Variants in TCAIM observed in about 807,000 individuals in gnomAD.
The protein encoded by TCAIM is T-cell activation inhibitor, mitochondrial.
Under a neutral mutation model 58.6 loss-of-function variants are expected in TCAIM, and 36 were observed. That is an observed-to-expected ratio of 0.61 (90% CI 0.47 to 0.81). The LOEUF (loss-of-function observed/expected upper bound fraction) is 0.81. Among genes scored for constraint, TCAIM ranks in the 30% least tolerant of loss-of-function variants. The pLI is 0.00. For synonymous variants in TCAIM, 172 were observed against 193.6 expected (o/e 0.89, Z 0.93); for missense variants, 466 against 579.6 (o/e 0.80, Z 2.01).
chr3:44,398,240 A>G (rs1701965066), intron 8 of TCAIM, among the ~76,000 whole-genome samples: 1 of 152,120 alleles, frequency 6.6e-6, no homozygotes, highest in South Asian at 2.1e-4. Flanking sequence ...CCTGGCAAAC[A>G]CAGTAAAACG....
chr3:44,403,452 T>C (rs1477492649), intron 10 of TCAIM, among the ~76,000 whole-genome samples: 1 of 152,188 alleles, frequency 6.6e-6, no homozygotes, highest in Non-Finnish European at 1.5e-5. Flanking sequence ...CCCTACCTCT[T>C]GATTGGTTGT....
At chr3:44,348,533 AGG>A (rs1205334478) in intron 1 of TCAIM, among the ~76,000 whole-genome samples, 1 of 152,200 alleles carries the variant, frequency 6.6e-6, no homozygotes, top group African/African-American at 2.4e-5. Flanking sequence ...ACTGTGGCTT[AGG>A]TGTTTTGAAG....
chr3:44,345,085 A>G (rs895794347), intron 1 of TCAIM, among the ~76,000 whole-genome samples: 4 of 152,108 alleles, frequency 2.6e-5, no homozygotes, highest in African/African-American at 9.7e-5. Context: ...TGGGGCCCTG[A>G]AAATTTTTGG....
At chr3:44,360,630 T>G (rs1207681290) in intron 3 of TCAIM, among the ~76,000 whole-genome samples, 1 of 150,888 alleles carries the variant, frequency 6.6e-6, no homozygotes, top group Admixed American at 6.6e-5. Flanking sequence ...GGAGACAGAG[T>G]CTTGCTCTGT....
chr3:44,370,354 G>A (rs1196284512), intron 5 of TCAIM, among the ~76,000 whole-genome samples: 1 of 151,796 alleles, frequency 6.6e-6, no homozygotes, highest in Non-Finnish European at 1.5e-5. Context: ...TACTCAAGAA[G>A]CTGAGGCAGG....
chr3:44,338,825 T>G lies in TCAIM; in HGVS notation c.-54T>G, dbSNP rs1700788064. Reference sequence around the variant, plus strand: ...GGACAAAGCCCTCGCGTCGGACCCTTGCCAGAACTGTAAGGAGCAAGAGGG... The same window carrying G: ...GGACAAAGCCCTCGCGTCGGACCCTGGCCAGAACTGTAAGGAGCAAGAGGG... On this transcript the variant is annotated 5_prime_UTR_variant, in exon 1 of 11. Coordinates refer to ENST00000342649, the MANE Select transcript of TCAIM (RefSeq NM_173826.4). 6.6e-6 allele frequency: 1 copy of G among 152,268 alleles called. No homozygotes were observed. Among genetic ancestry groups the G allele is most frequent in the African/African-American group, 2.4e-5 (1 of 41,442 alleles). The allele number at this position is 152,268 out of a possible 1,614,324, so 9.4% of individuals were successfully genotyped here.
At chr3:44,385,461 G>A (rs1039835711) in intron 5 of TCAIM, among the ~76,000 whole-genome samples, 1 of 152,150 alleles carries the variant, frequency 6.6e-6, no homozygotes, top group Non-Finnish European at 1.5e-5. Flanking sequence ...ATTCTGAAAG[G>A]CCGGGCATGG....
At chr3:44,366,936 C>T (rs1437583722) in intron 4 of TCAIM, among the ~76,000 whole-genome samples, 2 of 152,068 alleles carry the variant, frequency 1.3e-5, no homozygotes, top group African/African-American at 4.8e-5. Context: ...TGGGTTACTA[C>T]CTAGTGGAGT....
At chr3:44,372,886 A>G (rs189977321) in intron 5 of TCAIM, among the ~76,000 whole-genome samples, 1 of 152,078 alleles carries the variant, frequency 6.6e-6, no homozygotes, top group Non-Finnish European at 1.5e-5. Context: ...GAGCCACTGC[A>G]CCCGGCCCAA....
At chr3:44,390,622 CA>C (rs1336263155) in intron 5 of TCAIM, among the ~76,000 whole-genome samples, 1 of 151,772 alleles carries the variant, frequency 6.6e-6, no homozygotes, top group Non-Finnish European at 1.5e-5. Flanking sequence ...GACCCCATCT[CA>C]AAAAAATTGG....
intron 7 of TCAIM, 116 bp from the exon 8 acceptor site, chr3:44,396,627 T>G (rs544980359): frequency 2.0e-4 from 288 of 1,417,910 alleles, no homozygotes; most frequent in African/African-American, 1.5e-3. Context: ...AGCAGTGGCA[T>G]AAAATTAGCC....
chr3:44,407,394 A>T, intron 10 of TCAIM, 48 bp from the exon 11 acceptor site: 1 of 1,294,404 alleles, frequency 7.7e-7, no homozygotes, highest in Non-Finnish European at 1.1e-6. Context: ...TTGTTTGGTT[A>T]TGACAATATT....
intron 5 of TCAIM, among the ~76,000 whole-genome samples, chr3:44,384,919 G>A (rs1028263638): frequency 5.9e-5 from 9 of 152,128 alleles, no homozygotes; most frequent in Admixed American, 1.3e-4. Context: ...TTCATGGAGC[G>A]TGATAAATGA....
intron 5 of TCAIM, among the ~76,000 whole-genome samples, chr3:44,384,870 T>G (rs779408460): frequency 1.3e-5 from 2 of 152,226 alleles, no homozygotes; most frequent in Non-Finnish European, 1.5e-5. Context: ...TTAGAGGAGA[T>G]CCCAGTTGGT....
intron 5 of TCAIM, among the ~76,000 whole-genome samples, chr3:44,378,268 C>T (rs1268811282): frequency 1.3e-5 from 2 of 151,890 alleles, no homozygotes; most frequent in Non-Finnish European, 2.9e-5. Flanking sequence ...GTAATCCCAG[C>T]TCTCAGGAGG....
chr3:44,361,707 GTT>G, intron 4 of TCAIM, among the ~76,000 whole-genome samples, 189 bp downstream of exon 4: 1 of 152,242 alleles, frequency 6.6e-6, no homozygotes, highest in South Asian at 2.1e-4. Context: ...TTTTTTGCGT[GTT>G]TAAACGTTTT....
chr3:44,357,072 T>C (rs1701208199), intron 2 of TCAIM, among the ~76,000 whole-genome samples: 2 of 152,124 alleles, frequency 1.3e-5, no homozygotes, highest in African/African-American at 4.8e-5. Flanking sequence ...TCTGTATCTC[T>C]TTTTAAGTAT....
chr3:44,374,763 C>CA (rs962051192), intron 5 of TCAIM, among the ~76,000 whole-genome samples: 29 of 150,678 alleles, frequency 1.9e-4, no homozygotes, highest in African/African-American at 4.4e-4. Context: ...CCTGTCTCTC[C>CA]AAAAAAAATA....
intron 5 of TCAIM, among the ~76,000 whole-genome samples, chr3:44,384,797 C>A (rs944393360): frequency 1.3e-5 from 2 of 152,210 alleles, no homozygotes; most frequent in African/African-American, 2.4e-5. Flanking sequence ...TACATTCCTT[C>A]TATATTCCCA....
Sources: gnomAD v4.1 joint callset for allele counts (sites outside exome capture counted in the v4.1 genomes callset) on GRCh38, gnomAD v4.1.1 for gene constraint, MANE v1.5 for transcripts, NCBI Gene and HGNC (gene_info 2026-07-23, HGNC 2026-07-21) for gene names.